ASIC2: variants seen among roughly 807,000 people sequenced by gnomAD.
ASIC2 encodes the protein acid-sensing ion channel 2.
In ASIC2, 25 loss-of-function variants were observed where a neutral mutation model predicts 57.3. That is an observed-to-expected ratio of 0.44 (90% CI 0.32 to 0.61). The LOEUF (loss-of-function observed/expected upper bound fraction) is 0.61. Among genes scored for constraint, ASIC2 ranks in the 20% least tolerant of loss-of-function variants. ASIC2 has a pLI of 0.06. For missense variants in ASIC2, 641 were observed against 738.1 expected (o/e 0.87, Z 1.52); for synonymous variants, 319 against 307.5 (o/e 1.04, Z -0.39).
intron 1 of ASIC2, among the ~76,000 whole-genome samples, chr17:33,783,925 C>T (rs902307493): frequency 6.6e-6 from 1 of 152,236 alleles, no homozygotes; most frequent in Non-Finnish European, 1.5e-5. Flanking sequence ...CGACTTTCTA[C>T]GCCATACCGT....
At chr17:33,028,102 C>T in intron 4 of ASIC2, 140 bp downstream of exon 4, 3 of 1,238,406 alleles carry the variant, frequency 2.4e-6, no homozygotes, top group Non-Finnish European at 3.3e-6. Context: ...TTAATAGGCA[C>T]CAAATAACAG....
chr17:33,922,560 A>T (rs1173009431), intron 1 of ASIC2, among the ~76,000 whole-genome samples: 1 of 152,236 alleles, frequency 6.6e-6, no homozygotes, highest in Non-Finnish European at 1.5e-5. Context: ...AGAGACATGG[A>T]TATGTTGATG....
At chr17:34,067,384 A>T (rs930353924) in intron 1 of ASIC2, among the ~76,000 whole-genome samples, 7 of 152,198 alleles carry the variant, frequency 4.6e-5, no homozygotes, top group Non-Finnish European at 7.3e-5. Context: ...AAATTTTTTT[A>T]AAAATGGAAT....
chr17:33,413,808 C>T (rs969023900), intron 1 of ASIC2, among the ~76,000 whole-genome samples: 3 of 152,238 alleles, frequency 2.0e-5, no homozygotes, highest in African/African-American at 7.2e-5. Flanking sequence ...CCCACCTGTG[C>T]CCTCTCTCTC....
At chr17:34,077,457 G>A (rs551226599) in intron 1 of ASIC2, among the ~76,000 whole-genome samples, 11 of 152,284 alleles carry the variant, frequency 7.2e-5, no homozygotes, top group African/African-American at 2.2e-4. Context: ...GCAACACGAC[G>A]TTTTGTCTGG....
chr17:33,240,325 GT>G (rs796160181), intron 1 of ASIC2, among the ~76,000 whole-genome samples: 9 of 151,718 alleles, frequency 5.9e-5, no homozygotes, highest in South Asian at 2.1e-4. Flanking sequence ...GAACCTACAG[GT>G]TTTTTTTTGG....
chr17:34,115,145 AC>A (rs1325458942), intron 1 of ASIC2, among the ~76,000 whole-genome samples: 1 of 152,134 alleles, frequency 6.6e-6, no homozygotes, highest in Non-Finnish European at 1.5e-5. Flanking sequence ...GAAAACAACT[AC>A]TTGCTTAGTC....
At chr17:34,020,453 A>C (rs1433484042) in intron 1 of ASIC2, among the ~76,000 whole-genome samples, 1 of 152,182 alleles carries the variant, frequency 6.6e-6, no homozygotes, top group Non-Finnish European at 1.5e-5. Context: ...GTTTCCATAG[A>C]ACTCATCACT....
chr17:33,431,807 T>A (rs1567859157), intron 1 of ASIC2, among the ~76,000 whole-genome samples: 1 of 151,612 alleles, frequency 6.6e-6, no homozygotes, highest in Non-Finnish European at 1.5e-5. Context: ...AAAATCATCA[T>A]AAGAACGAAG....
chr17:34,123,465 C>T (rs1911686549), intron 1 of ASIC2, among the ~76,000 whole-genome samples: 2 of 152,190 alleles, frequency 1.3e-5, no homozygotes, highest in Non-Finnish European at 2.9e-5. Flanking sequence ...CAGCTCCTGG[C>T]AGGTACCTCT....
intron 1 of ASIC2, among the ~76,000 whole-genome samples, chr17:34,056,789 T>A (rs1045864440): frequency 1.3e-5 from 2 of 152,190 alleles, no homozygotes; most frequent in Non-Finnish European, 2.9e-5. Flanking sequence ...GCTTCTGACT[T>A]TTCACCTGAT....
At chr17:33,194,849 G>T (rs1015181842) in intron 1 of ASIC2, among the ~76,000 whole-genome samples, 1 of 152,200 alleles carries the variant, frequency 6.6e-6, no homozygotes, top group African/African-American at 2.4e-5. Context: ...GGGACACTCA[G>T]GGCCATCAGT....
At chr17:33,376,705 CTA>C (rs1909290327) in intron 1 of ASIC2, among the ~76,000 whole-genome samples, 1 of 152,196 alleles carries the variant, frequency 6.6e-6, no homozygotes, top group Admixed American at 6.5e-5. Flanking sequence ...TACCCTTCCT[CTA>C]TAAGCAGAAT....
intron 1 of ASIC2, among the ~76,000 whole-genome samples, chr17:33,363,909 C>T (rs1908708797): frequency 6.6e-6 from 1 of 152,200 alleles, no homozygotes; most frequent in African/African-American, 2.4e-5. Flanking sequence ...CTTTGGGTAC[C>T]ACCTGCAGCC....
chr17:33,678,761 C>A (rs1296873803), intron 1 of ASIC2, among the ~76,000 whole-genome samples: 1 of 152,144 alleles, frequency 6.6e-6, no homozygotes, highest in Non-Finnish European at 1.5e-5. Flanking sequence ...CCAGCTGGAA[C>A]CTCAGAGCAA....
intron 2 of ASIC2, among the ~76,000 whole-genome samples, chr17:33,102,808 G>T: frequency 6.6e-6 from 1 of 152,092 alleles, no homozygotes; most frequent in Non-Finnish European, 1.5e-5. Flanking sequence ...ATTTGAGATG[G>T]AGTCTCGCTC....
intron 1 of ASIC2, among the ~76,000 whole-genome samples, chr17:33,209,030 C>A (rs1893001707): frequency 6.6e-6 from 1 of 152,134 alleles, no homozygotes; most frequent in Admixed American, 6.5e-5. Flanking sequence ...TTATTTGGAT[C>A]AGCTGCTTGT....
chr17:34,095,198 G>T (rs931276451), intron 1 of ASIC2, among the ~76,000 whole-genome samples: 12 of 152,206 alleles, frequency 7.9e-5, no homozygotes, highest in African/African-American at 2.9e-4. Flanking sequence ...GAGACCATCA[G>T]AGGGTAGGGG....
At chr17:33,186,768 C>T (rs904791385) in intron 1 of ASIC2, among the ~76,000 whole-genome samples, 2 of 152,086 alleles carry the variant, frequency 1.3e-5, no homozygotes, top group Admixed American at 6.6e-5. Context: ...AACTCAATGT[C>T]GACCATTCTA....
Sources: gnomAD v4.1 joint callset for allele counts (sites outside exome capture counted in the v4.1 genomes callset) on GRCh38, gnomAD v4.1.1 for gene constraint, MANE v1.5 for transcripts, NCBI Gene and HGNC (gene_info 2026-07-23, HGNC 2026-07-21) for gene names.